The following GABRB2 variants were observed in gnomAD, a reference collection of about 807,000 sequenced individuals.
The protein encoded by GABRB2 is gamma-aminobutyric acid type A receptor subunit beta2.
A neutral mutation model predicts 54.7 loss-of-function variants in GABRB2; 16 were observed. The ratio of observed to expected loss-of-function variants is 0.29; its 90% CI spans 0.20 to 0.44. The LOEUF (loss-of-function observed/expected upper bound fraction) is 0.44. Among genes scored for constraint, GABRB2 ranks in the 20% least tolerant of loss-of-function variants. The pLI, the probability that GABRB2 is intolerant of heterozygous loss-of-function variation, is 1.00. For missense variants in GABRB2, 355 were observed against 644.0 expected (o/e 0.55, Z 4.86); for synonymous variants, 244 against 233.8 (o/e 1.04, Z -0.40).
At chr5:161,363,689 A>G (rs981829438) in intron 5 of GABRB2, among the ~76,000 whole-genome samples, 7 of 152,138 alleles carry the variant, frequency 4.6e-5, no homozygotes, top group Admixed American at 3.9e-4. Flanking sequence ...GCCACAGAGC[A>G]ATGCCCTGCC....
chr5:161,327,942 G>A (rs1758418128), intron 8 of GABRB2, among the ~76,000 whole-genome samples: 1 of 152,098 alleles, frequency 6.6e-6, no homozygotes, highest in African/African-American at 2.4e-5. Flanking sequence ...CTGACACAAA[G>A]GACAGCACCG....
chr5:161,447,926 C>A (rs1223652102), intron 4 of GABRB2, among the ~76,000 whole-genome samples: 1 of 152,042 alleles, frequency 6.6e-6, no homozygotes, highest in Admixed American at 6.6e-5. Flanking sequence ...TCCTAATATT[C>A]TGGTAGTCAG....
chr5:161,313,931 G>C (rs571374570), intron 9 of GABRB2, among the ~76,000 whole-genome samples: 1 of 152,290 alleles, frequency 6.6e-6, no homozygotes, highest in South Asian at 2.1e-4. Context: ...AAGAGGATTA[G>C]TTTAATAAAT....
At chr5:161,410,566 T>C (rs1756480919) in intron 5 of GABRB2, among the ~76,000 whole-genome samples, 1 of 152,164 alleles carries the variant, frequency 6.6e-6, no homozygotes, top group African/African-American at 2.4e-5. Flanking sequence ...ACATTTATTT[T>C]GCAATTACAA....
intron 5 of GABRB2, among the ~76,000 whole-genome samples, chr5:161,375,770 A>G (rs568675167): frequency 6.6e-6 from 1 of 152,330 alleles, no homozygotes; most frequent in East Asian, 1.9e-4. Context: ...ATGCTTTTAA[A>G]TAGCCCAGCA....
intron 3 of GABRB2, among the ~76,000 whole-genome samples, chr5:161,495,366 T>A (rs898720157): frequency 6.6e-6 from 1 of 151,916 alleles, no homozygotes. Context: ...CAAAATACTA[T>A]AGAAGAAAGA....
At chr5:161,463,974 G>C (rs1758205076) in intron 3 of GABRB2, among the ~76,000 whole-genome samples, 1 of 151,878 alleles carries the variant, frequency 6.6e-6, no homozygotes, top group Non-Finnish European at 1.5e-5. Context: ...CGACTTAAGT[G>C]TAAAATGTAA....
chr5:161,484,448 A>C (rs897189714), intron 3 of GABRB2, among the ~76,000 whole-genome samples: 1 of 151,956 alleles, frequency 6.6e-6, no homozygotes, highest in Non-Finnish European at 1.5e-5. Flanking sequence ...CCTTTCAAGT[A>C]CAAAAGTGGA....
chr5:161,548,191 G>A (rs1761049264), upstream of GABRB2: 1 of 152,364 alleles, frequency 6.6e-6, no homozygotes, highest in African/African-American at 2.4e-5. Flanking sequence ...GCCTCGCCGT[G>A]GCCGCCGGGA....
intron 5 of GABRB2, among the ~76,000 whole-genome samples, chr5:161,349,880 A>G (rs1392771063): frequency 6.6e-6 from 1 of 152,098 alleles, no homozygotes; most frequent in African/African-American, 2.4e-5. Context: ...TTCATGAGAG[A>G]CCTTGAGCCA....
chr5:161,449,509 A>G (rs985537544), intron 4 of GABRB2, among the ~76,000 whole-genome samples: 2 of 152,162 alleles, frequency 1.3e-5, no homozygotes, highest in African/African-American at 4.8e-5. Context: ...TGCCAACAAA[A>G]TTTACCGATT....
intron 9 of GABRB2, among the ~76,000 whole-genome samples, chr5:161,311,583 A>C (rs1757870128): frequency 6.6e-6 from 1 of 152,202 alleles, no homozygotes; most frequent in Non-Finnish European, 1.5e-5. Flanking sequence ...AGCTGGTCTC[A>C]GACTCAACTA....
chr5:161,398,401 C>A (rs140487547), intron 5 of GABRB2, among the ~76,000 whole-genome samples: 2,920 of 152,266 alleles, frequency 0.019, 39 homozygotes, highest in Middle Eastern at 0.082. Flanking sequence ...ACAAAACTGA[C>A]TTTGGCTAAA....
chr5:161,399,042 C>A (rs1580951365), intron 5 of GABRB2, among the ~76,000 whole-genome samples: 3 of 152,080 alleles, frequency 2.0e-5, no homozygotes, highest in African/African-American at 7.2e-5. Flanking sequence ...TTTTAAACTT[C>A]TTTTATGGAG....
chr5:161,476,374 C>T (rs1255366955), intron 3 of GABRB2, among the ~76,000 whole-genome samples: 1 of 151,840 alleles, frequency 6.6e-6, no homozygotes, highest in Non-Finnish European at 1.5e-5. Context: ...CGGTAAACTA[C>T]AGTTTTAATG....
intron 4 of GABRB2, among the ~76,000 whole-genome samples, chr5:161,445,676 C>T (rs1274377414): frequency 3.9e-5 from 6 of 152,134 alleles, no homozygotes; most frequent in African/African-American, 1.4e-4. Flanking sequence ...CACCTTATCA[C>T]AACCCAGACA....
intron 3 of GABRB2, among the ~76,000 whole-genome samples, chr5:161,513,613 ACT>A (rs1759844467): frequency 1.3e-5 from 2 of 152,026 alleles, no homozygotes; most frequent in African/African-American, 4.8e-5. Context: ...GCAGCAATAG[ACT>A]CTGGGGCTAA....
At chr5:161,301,768 C>T (rs1757545675) in intron 9 of GABRB2, among the ~76,000 whole-genome samples, 1 of 152,180 alleles carries the variant, frequency 6.6e-6, no homozygotes, top group African/African-American at 2.4e-5. Context: ...GCTTTAACTC[C>T]CAAGTCCATT....
At chr5:161,379,523 T>C (rs1324581404) in intron 5 of GABRB2, among the ~76,000 whole-genome samples, 1 of 152,204 alleles carries the variant, frequency 6.6e-6, no homozygotes, top group Non-Finnish European at 1.5e-5. Context: ...CTACAGATGA[T>C]CTGTATTAAG....
Sources: allele counts gnomAD v4.1 joint callset (sites outside exome capture counted in the v4.1 genomes callset), GRCh38; gene constraint gnomAD v4.1.1; transcripts MANE v1.5; gene names NCBI Gene and HGNC (gene_info 2026-07-23, HGNC 2026-07-21).